The following TNRC6B variants were observed in gnomAD, a reference collection of about 807,000 sequenced individuals.
The protein encoded by TNRC6B is trinucleotide repeat-containing gene 6B protein.
TNRC6B carries 52 observed loss-of-function variants against 203.6 expected under a neutral mutation model. The observed-to-expected ratio is 0.26, with a 90% CI of 0.20 to 0.32. The LOEUF (loss-of-function observed/expected upper bound fraction) is 0.32. Among genes scored for constraint, TNRC6B ranks in the 10% least tolerant of loss-of-function variants. TNRC6B has a pLI of 1.00. For synonymous variants in TNRC6B, 838 were observed against 845.7 expected, an observed-to-expected ratio of 0.99 and a Z score of 0.16; for missense variants, 1,923 against 2,286.2, an observed-to-expected ratio of 0.84 and a Z score of 3.24.
intron 1 of TNRC6B, among the ~76,000 whole-genome samples, chr22:40,191,606 G>T (rs1394389083): frequency 6.6e-6 from 1 of 152,158 alleles, no homozygotes; most frequent in Non-Finnish European, 1.5e-5. Flanking sequence ...AAACAAGACA[G>T]GTTCTCACTC....
chr22:40,261,064 G>C (rs1266706105), intron 3 of TNRC6B, among the ~76,000 whole-genome samples: 2 of 152,098 alleles, frequency 1.3e-5, no homozygotes, highest in Admixed American at 6.6e-5. Flanking sequence ...TAAATAGCTT[G>C]AGTTCAGGAG....
Position 40,312,559 on chromosome 22 carries a change from AC to A in TNRC6B, c.4494del (p.Tyr1499MetfsTer17). 6.2e-7 allele frequency: 1 copy of A among 1,613,824 alleles called. No homozygotes were observed. The highest frequency in any genetic ancestry group is 8.5e-7 in the Non-Finnish European group (1 of 1,179,920). Reference sequence around the variant, plus strand: ...ATCCAAAACATTGACCCTGAATCTGACCCCTATGTCACCCCAGGAAGTGTGC... The same window carrying A: ...ATCCAAAACATTGACCCTGAATCTGACCCTATGTCACCCCAGGAAGTGTGC... ...KGIQNIDPES[D>X]PYVTPGSVLG... On this transcript the variant is annotated frameshift_variant, in exon 18 of 23. Coordinates refer to ENST00000454349, the MANE Select transcript of TNRC6B (RefSeq NM_001162501.2). LOFTEE classifies it high-confidence loss of function.
rs78681701 is a variant in TNRC6B at position 40,068,111 on chromosome 22, A to G, written c.-121+23113A>G. Reference sequence around the variant, plus strand: ...TTTTCCAGCACCCTAAGATCCTATTAACCTCATCCCACCCCCAATTCAGAA... The same window carrying G: ...TTTTCCAGCACCCTAAGATCCTATTGACCTCATCCCACCCCCAATTCAGAA... On this transcript the variant is annotated intron_variant, in intron 1 of 23. Coordinates refer to the TNRC6B transcript ENST00000301923. Among the ~76,000 whole-genome samples, 892 of 152,254 alleles carry G rather than the reference A, an allele frequency of 5.9e-3. 13 individuals carry two copies. The highest frequency in any genetic ancestry group is 0.021 in the African/African-American group (860 of 41,510).
chr22:40,251,128 G>A, intron 2 of TNRC6B, 51 bp from the exon 3 acceptor site: 1 of 1,470,108 alleles, frequency 6.8e-7, no homozygotes, highest in South Asian at 1.3e-5. Flanking sequence ...TGAAAATACA[G>A]TACTGAATTA....
chr22:40,045,696 C>T (rs897590045), intron 1 of TNRC6B: 1 of 152,250 alleles, frequency 6.6e-6, no homozygotes, highest in East Asian at 1.9e-4. Context: ...GTTTTTACAC[C>T]TTCCCGTGGT....
At chr22:40,073,863 A>G (rs1187169152) in intron 1 of TNRC6B, among the ~76,000 whole-genome samples, 1 of 152,034 alleles carries the variant, frequency 6.6e-6, no homozygotes, top group Non-Finnish European at 1.5e-5. Context: ...TTCGAGACCA[A>G]CCTGGCCAAC....
At chr22:40,201,564 T>C (rs2069412519) in intron 1 of TNRC6B, among the ~76,000 whole-genome samples, 1 of 151,730 alleles carries the variant, frequency 6.6e-6, no homozygotes, top group Non-Finnish European at 1.5e-5. Flanking sequence ...GCCTCCTGAG[T>C]AGCTGGGACT....
Position 40,220,535 on chromosome 22 carries a change from T to C in TNRC6B, c.6-25480T>C, listed in dbSNP as rs112208673. On this transcript the variant is annotated intron_variant, in intron 1 of 22. Coordinates refer to ENST00000454349, the MANE Select transcript of TNRC6B (RefSeq NM_001162501.2). ...CTGCTGGAGGCACTGAATAGTTTTA[T>C]AAGTATGTGTACACTCTATTGTTCA... Among the ~76,000 whole-genome samples the C allele has an allele frequency of 3.5e-4, 53 of 152,302 alleles. 2 individuals carry two copies. The highest frequency in any genetic ancestry group is 1.3e-3 in the African/African-American group (52 of 41,556).
intron 3 of TNRC6B, among the ~76,000 whole-genome samples, chr22:40,132,956 A>T (rs28542383): frequency 0.17 from 12,303 of 74,034 alleles, 947 homozygotes; most frequent in African/African-American, 0.23. Flanking sequence ...AAAAAAAAAA[A>T]AAAAAAAAAA....
At chr22:40,283,485 A>G (rs2070743840) in intron 11 of TNRC6B, among the ~76,000 whole-genome samples, 1 of 152,068 alleles carries the variant, frequency 6.6e-6, no homozygotes, top group African/African-American at 2.4e-5. Flanking sequence ...CCCTTTTCCT[A>G]ATTTCTAAAT....
chr22:40,289,107 G>A (rs950546622), intron 12 of TNRC6B, among the ~76,000 whole-genome samples: 5 of 152,092 alleles, frequency 3.3e-5, no homozygotes, highest in East Asian at 3.9e-4. Context: ...GAGCCACCGC[G>A]CCCAGCCTAC....
chr22:40,331,941 A>G lies in TNRC6B; in HGVS notation c.*8700A>G. Reference sequence around the variant, plus strand: ...TGCTGGCAGGTCTGATGGCCAGGTAAATTCCAGGGGGCCTGCAGTTCCTGT... The same window carrying G: ...TGCTGGCAGGTCTGATGGCCAGGTAGATTCCAGGGGGCCTGCAGTTCCTGT... On this transcript the variant is annotated 3_prime_UTR_variant, in exon 23 of 23. Coordinates refer to ENST00000454349, the MANE Select transcript of TNRC6B (RefSeq NM_001162501.2). The G allele has an allele frequency of 3.6e-6, 1 of 279,274 alleles. No individual in the cohort carries two copies. Among genetic ancestry groups the G allele is most frequent in the Non-Finnish European group, 6.7e-6 (1 of 149,724 alleles). The allele number at this position is 279,274 out of a possible 1,614,324, so 17.3% of individuals were successfully genotyped here. A position where few individuals can be genotyped will look rare whatever the true frequency, so the allele number is the denominator to read the frequency against.
At chr22:40,056,852 A>C (rs1043467920) in intron 1 of TNRC6B, among the ~76,000 whole-genome samples, 3 of 152,030 alleles carry the variant, frequency 2.0e-5, no homozygotes, top group Non-Finnish European at 4.4e-5. Flanking sequence ...GATATACAGG[A>C]AGCACCCAGC....
chr22:40,074,551 G>A (rs1338486915), intron 1 of TNRC6B, among the ~76,000 whole-genome samples: 2 of 152,122 alleles, frequency 1.3e-5, no homozygotes, highest in Non-Finnish European at 2.9e-5. Context: ...GGCCAAGGCA[G>A]GTGGATCATG....
At chr22:40,045,423 C>G (rs1031891100) in intron 1 of TNRC6B, 2 of 151,508 alleles carry the variant, frequency 1.3e-5, no homozygotes, top group Admixed American at 6.6e-5. Context: ...CTGGCCCGGC[C>G]GTCGAGTTCG....
At chr22:40,288,492 C>G (rs1242170352) in intron 12 of TNRC6B, among the ~76,000 whole-genome samples, 1 of 152,012 alleles carries the variant, frequency 6.6e-6, no homozygotes, top group Non-Finnish European at 1.5e-5. Flanking sequence ...ATTGCTTCAG[C>G]CCAGGAGTTT....
chr22:40,097,416 C>T (rs1453858829), intron 1 of TNRC6B, among the ~76,000 whole-genome samples: 1 of 152,096 alleles, frequency 6.6e-6, no homozygotes, highest in Non-Finnish European at 1.5e-5. Flanking sequence ...AACAGTCCTC[C>T]TGCTTCAGCC....
chr22:40,215,438 C>A (rs1296252851), intron 1 of TNRC6B, among the ~76,000 whole-genome samples: 2 of 152,218 alleles, frequency 1.3e-5, no homozygotes, highest in African/African-American at 4.8e-5. Context: ...GAGAGGGTGA[C>A]TGCATGGCCG....
At chr22:40,183,396 A>G (rs1012847882) in intron 1 of TNRC6B, among the ~76,000 whole-genome samples, 2 of 152,208 alleles carry the variant, frequency 1.3e-5, no homozygotes, top group Admixed American at 6.5e-5. Context: ...GCACAAGGAC[A>G]GGAGCAGCAC....
Sources: allele counts gnomAD v4.1 joint callset (sites outside exome capture counted in the v4.1 genomes callset), GRCh38; gene constraint gnomAD v4.1.1; transcripts MANE v1.5; gene names NCBI Gene and HGNC (gene_info 2026-07-23, HGNC 2026-07-21).